Variants in SLC25A23 observed in about 807,000 individuals in gnomAD.
SLC25A23 encodes mitochondrial adenyl nucleotide antiporter SLC25A23.
In SLC25A23, 32 loss-of-function variants were observed where a neutral mutation model predicts 53.9. The observed-to-expected ratio is 0.59, with a 90% CI of 0.45 to 0.80. The LOEUF (loss-of-function observed/expected upper bound fraction) is 0.80. Ranked by LOEUF, SLC25A23 falls within the 30% of genes least tolerant of loss-of-function variation. SLC25A23 has a pLI of 0.00. For missense variants in SLC25A23, 575 were observed against 651.4 expected (o/e 0.88, Z 1.28); for synonymous variants, 275 against 264.5 (o/e 1.04, Z -0.38).
rs1015973587 is a variant in SLC25A23, at chr19:6,455,811, T to C, written c.483+609A>G. On this transcript the variant is annotated intron_variant, in intron 4 of 9. Transcript: ENST00000301454. ...CGGCTCACTGCAAGCTCCCGCCTCCTGGGTTCACGCCATTCTCCTGCCTTA... is the reference window on the plus strand; with the variant it reads ...CGGCTCACTGCAAGCTCCCGCCTCCCGGGTTCACGCCATTCTCCTGCCTTA... 11 of 287,272 alleles carry C rather than the reference T, an allele frequency of 3.8e-5. No homozygotes were observed. The Admixed American group carries it at 4.3e-4, about 11-fold the overall frequency. 17.8% of individuals were successfully genotyped at this position (287,272 alleles called of 1,614,324 possible).
intron 4 of SLC25A23, among the ~76,000 whole-genome samples, chr19:6,455,730 T>G (rs2092671719): frequency 9.9e-6 from 1 of 100,882 alleles, no homozygotes; most frequent in African/African-American, 4.1e-5. Context: ...TTTTTTTTTT[T>G]TTTTTGAGAC....
chr19:6,455,719 T>TTG lies in SLC25A23; in HGVS notation c.483+700_483+701insCA, dbSNP rs1339625122. Among the ~76,000 whole-genome samples, 41 of 63,818 alleles carry TTG rather than the reference T, an allele frequency of 6.4e-4. 1 individual carries two copies. Among genetic ancestry groups the TTG allele is most frequent in the African/African-American group, 2.6e-3 (37 of 14,080 alleles). 41.9% of individuals were successfully genotyped at this position (63,818 alleles called of 152,430 possible). ...CTCTGAAGACCGTGTTTTTTTTTTT[T>TTG]TTTTTTTTTTTTTTTTGAGACGGAG... is the stretch of plus-strand genomic sequence containing the variant. On this transcript the variant is annotated intron_variant, in intron 4 of 9. Transcript: ENST00000301454.
intron 8 of SLC25A23, among the ~76,000 whole-genome samples, chr19:6,450,376 TC>T (rs2092572004): frequency 6.6e-6 from 1 of 152,036 alleles, no homozygotes; most frequent in South Asian, 2.1e-4. Context: ...TCAACCCCCC[TC>T]CCGCCCACTG....
intron 9 of SLC25A23, among the ~76,000 whole-genome samples, chr19:6,442,963 G>C (rs1224125893): frequency 8.3e-6 from 1 of 121,008 alleles, no homozygotes; most frequent in East Asian, 2.7e-4. Context: ...TTGAGACAGA[G>C]TTTTCACTCC....
Position 6,454,920 on chromosome 19 carries a change from C to G in SLC25A23, c.484-203G>C, listed in dbSNP as rs2092656191. ...AACCTAGCAGCCTCCTTAGAAGATC[C>G]CAATATCCTACTAAATCCCACCAAA... On this transcript the variant is annotated intron_variant, in intron 4 of 9. Transcript: ENST00000301454. This position sits in a 1 kb window ranked among gnomAD's most constrained non-coding sequence, Gnocchi z 4.3. Among the ~76,000 whole-genome samples, 1 of 152,118 alleles carries G rather than the reference C, an allele frequency of 6.6e-6. No individual in the cohort carries two copies. The highest frequency in any genetic ancestry group is 1.5e-5 in the Non-Finnish European group (1 of 68,024).
At chr19:6,442,934 C>CTTTTTT (rs1024821991) in intron 9 of SLC25A23, among the ~76,000 whole-genome samples, 2 of 113,142 alleles carry the variant, frequency 1.8e-5, no homozygotes, top group Non-Finnish European at 1.8e-5. Context: ...ATGCCCAGCC[C>CTTTTTT]TTTTTTTTTT....
chr19:6,452,431 G>A lies in SLC25A23; in HGVS notation c.952C>T (p.Leu318=). ...TLRRTGQYKG[L]LDCARRILER... is the part of the protein sequence containing the mutation. ...AGGATACGCCTGGCGCAGTCCAGCA[G>A]CCCCTTATACTGGCCCGTCCGGCGC... The change falls in exon 8 of 10, where the codon CTG becomes TTG. Residue 318 remains leucine (L), a synonymous_variant. Transcript: ENST00000301454. The A allele has an allele frequency of 6.2e-7, 1 of 1,613,932 alleles. No homozygotes were observed. Among genetic ancestry groups the A allele is most frequent in the Middle Eastern group, 1.7e-4 (1 of 6,060 alleles).
At chr19:6,438,605 T>C (rs1235949425), downstream of SLC25A23, 5 of 154,846 alleles carry the variant, frequency 3.2e-5, no homozygotes, top group African/African-American at 1.2e-4. Context: ...TCCCAGCACT[T>C]TGGGAGGCTG....
At position 6,459,170 on chromosome 19, in the gene SLC25A23, G is replaced by A. The variant is rs1358659852; in HGVS notation, c.156+303C>T. Among the ~76,000 whole-genome samples the A allele has an allele frequency of 6.6e-6, 1 of 152,190 alleles. No homozygotes were observed. The highest frequency in any genetic ancestry group is 2.4e-5 in the African/African-American group (1 of 41,466). On this transcript the variant is annotated intron_variant, in intron 1 of 9. Coordinates refer to ENST00000301454, the MANE Select transcript of SLC25A23 (RefSeq NM_024103.3). This position sits in a 1 kb window ranked among gnomAD's most constrained non-coding sequence, Gnocchi z 4.6. The stretch of plus-strand genomic sequence containing the variant: ...ACGTCATGGGCTGTGCAGTCTGGAG[G>A]AGGGTGTGTCCCGGGCAGTGGGCAG...
chr19:6,457,465 C>T, intron 3 of SLC25A23, 38 bp downstream of exon 3: 1 of 1,576,256 alleles, frequency 6.3e-7, no homozygotes, highest in Non-Finnish European at 8.7e-7. Context: ...GTCACTGTGT[C>T]CTGAGTTACT....
Position 6,459,421 on chromosome 19 carries a change from A to T in SLC25A23, c.156+52T>A. On this transcript the variant is annotated intron_variant, in intron 1 of 9. Transcript: ENST00000301454. This position sits in a 1 kb window ranked among gnomAD's most constrained non-coding sequence, Gnocchi z 4.6. ...GCCGCCCAGTTCAGGGGCTTGGGTA[A>T]CCGGGAGCGGGCGGGGCCGGGAGGG... is the stretch of plus-strand genomic sequence containing the variant. The T allele has an allele frequency of 1.3e-6, 2 of 1,498,970 alleles. No individual in the cohort carries two copies. The highest frequency in any genetic ancestry group is 2.6e-5 in the East Asian group (1 of 38,472). 92.9% of individuals were successfully genotyped at this position (1,498,970 alleles called of 1,614,324 possible).
chr19:6,455,956 T>C, intron 4 of SLC25A23: 1 of 1,188,624 alleles, frequency 8.4e-7, no homozygotes, highest in South Asian at 1.3e-5. Flanking sequence ...CCTGACCTCG[T>C]GATCCGCCCA....
rs957092719 is a variant in SLC25A23 at position 6,459,764 on chromosome 19, C to G, written c.-136G>C. 5 of 703,564 alleles carry G rather than the reference C, an allele frequency of 7.1e-6. No individual in the cohort carries two copies. Among genetic ancestry groups the G allele is most frequent in the African/African-American group, 5.7e-5 (3 of 53,026 alleles). 43.6% of individuals were successfully genotyped at this position (703,564 alleles called of 1,614,324 possible). A position where few individuals can be genotyped will look rare whatever the true frequency, so the allele number is the denominator to read the frequency against. ...CTCCGCAGCCTCCGCGCAGTCCGCT[C>G]GGCTCTGGCACTTGCGGGAGGTGGT... On this transcript the variant is annotated 5_prime_UTR_variant, in exon 1 of 10. Transcript: ENST00000301454. The surrounding 1 kb of genome is among the most constrained non-coding windows in gnomAD (Gnocchi z 4.6).
chr19:6,454,198 G>C lies in SLC25A23; in HGVS notation c.796-110C>G. 1 of 1,503,064 alleles carries C rather than the reference G, an allele frequency of 6.7e-7. No homozygotes were observed. Among genetic ancestry groups the C allele is most frequent in the Non-Finnish European group, 9.0e-7 (1 of 1,106,080 alleles). 93.1% of individuals were successfully genotyped at this position (1,503,064 alleles called of 1,614,324 possible). A position where few individuals can be genotyped will look rare whatever the true frequency, so the allele number is the denominator to read the frequency against. ...CTGGCTTGCTGCAGGCATTCATGCA[G>C]AGGAGCAGATGCCTGATCCTGGGGA... On this transcript the variant is annotated intron_variant, in intron 6 of 9. Coordinates refer to ENST00000301454, the MANE Select transcript of SLC25A23 (RefSeq NM_024103.3). This position sits in a 1 kb window ranked among gnomAD's most constrained non-coding sequence, Gnocchi z 4.3.
intron 8 of SLC25A23, among the ~76,000 whole-genome samples, chr19:6,449,857 C>CTTTT (rs142681286): frequency 1.1e-4 from 14 of 127,176 alleles, no homozygotes; most frequent in African/African-American, 4.7e-4. Flanking sequence ...ACTCACAACT[C>CTTTT]TTTTTTTTTT....
Position 6,441,630 on chromosome 19 carries a change from T to G in SLC25A23, c.*345A>C. 6.7e-6 allele frequency: 2 copies of G among 298,448 alleles called. No individual in the cohort carries two copies. The highest frequency in any genetic ancestry group is 1.0e-4 in the East Asian group (1 of 9,888). The allele number at this position is 298,448 out of a possible 1,614,324, so 18.5% of individuals were successfully genotyped here. A position where few individuals can be genotyped will look rare whatever the true frequency, so the allele number is the denominator to read the frequency against. ...CTGCAGGATCCAGTGATTTGGGGGA[T>G]GGGGATTAAGGGCTGGGGTGTGGAT... On this transcript the variant is annotated 3_prime_UTR_variant, in exon 10 of 10. Coordinates refer to ENST00000301454, the MANE Select transcript of SLC25A23 (RefSeq NM_024103.3).
rs75748898 is a variant in SLC25A23, at chr19:6,444,450, C to T, written c.1072-149G>A. On this transcript the variant is annotated intron_variant, in intron 8 of 9. Coordinates refer to ENST00000301454, the MANE Select transcript of SLC25A23 (RefSeq NM_024103.3). ...AGGGGCCGGGCCAGCCCTTTCCCTG[C>T]GTCCCCTCACCCAGTCCTCATCTGG... 1,649 of 783,232 alleles carry T rather than the reference C, an allele frequency of 2.1e-3. 20 individuals carry two copies. The African/African-American group carries it at 0.026, about 12-fold the overall frequency. 48.5% of individuals were successfully genotyped at this position (783,232 alleles called of 1,614,324 possible). A position where few individuals can be genotyped will look rare whatever the true frequency, so the allele number is the denominator to read the frequency against.
chr19:6,455,258 T>A (rs777924624), intron 4 of SLC25A23, among the ~76,000 whole-genome samples: 25 of 152,088 alleles, frequency 1.6e-4, no homozygotes, highest in African/African-American at 3.4e-4. Flanking sequence ...GGAAACAGAG[T>A]AAGACCTTGT....
rs370826902 is a variant in SLC25A23 at position 6,456,423 on chromosome 19, G to A, written c.480C>T (p.Ser160=). 6.2e-6 allele frequency: 10 copies of A among 1,613,822 alleles called. No individual in the cohort carries two copies. Among genetic ancestry groups the A allele is most frequent in the Non-Finnish European group, 8.5e-6 (10 of 1,179,936 alleles). Residue 160 remains serine (S), a synonymous_variant, in exon 4 of 10, where the codon TCC becomes TCT. Transcript: ENST00000301454. The part of the protein sequence containing the change: ...VEDVLYFWKH[S]TVLDIGECLT... ...GGGAAAGCCACCCCCACCTCACCGT[G>A]GAATGCTTCCAGAAATACAGCACGT...
Sources: gnomAD v4.1 joint callset for allele counts (sites outside exome capture counted in the v4.1 genomes callset) on GRCh38, gnomAD v4.1.1 for gene constraint, Gnocchi (gnomAD v3.1) non-coding constraint, MANE v1.5 for transcripts, NCBI Gene and HGNC (gene_info 2026-07-23, HGNC 2026-07-21) for gene names.